The following SEC24B variants were observed in gnomAD, a reference collection of about 807,000 sequenced individuals.
SEC24B encodes SEC24 homolog B, COPII component.
Under a neutral mutation model 142.8 loss-of-function variants are expected in SEC24B, and 45 were observed. That is an observed-to-expected ratio of 0.32 (90% CI 0.25 to 0.40). The LOEUF is 0.40. Among genes scored for constraint, SEC24B ranks in the 10% least tolerant of loss-of-function variants. The pLI, the probability that SEC24B is intolerant of heterozygous loss-of-function variation, is 1.00. For synonymous variants in SEC24B, 574 were observed against 568.2 expected (o/e 1.01, Z -0.15); for missense variants, 1,409 against 1,526.8 (o/e 0.92, Z 1.29).
chr4:109,473,382 A>G (rs938312513), intron 3 of SEC24B, among the ~76,000 whole-genome samples, 196 bp downstream of exon 3: 1 of 152,122 alleles, frequency 6.6e-6, no homozygotes, highest in East Asian at 1.9e-4. Flanking sequence ...AGTTCTTCAT[A>G]TATATTGAGT....
rs1164524422 is a variant in SEC24B, at chr4:109,532,639, G to A, written c.3391G>A (p.Gly1131Ser). ...TCACATTCTCTCTTTTTCTTTTCAG[G>A]GTGCAGTACATGTTAATGACAGGAT... is the stretch of plus-strand genomic sequence containing the variant. ...LYRIDRLTDE[G>S]AVHVNDRIVP... is the part of the protein sequence containing the mutation. Residue 1131 changes from glycine (G) to serine (S), a missense_variant and splice_region_variant, in exon 21 of 24, where the codon GGT becomes AGT. Physicochemically the swap from Gly to Ser is moderately conservative, Grantham distance 56. Around this residue, in one of 2 missense-constraint regions of SEC24B, gnomAD observed 700 missense variants for 853.3 expected, o/e 0.82. Transcript: ENST00000265175. 1 of 1,608,812 alleles carries A rather than the reference G, an allele frequency of 6.2e-7. No homozygotes were observed. The highest frequency in any genetic ancestry group is 1.1e-5 in the South Asian group (1 of 90,744).
At chr4:109,462,133 C>T (rs1377460266) in intron 1 of SEC24B, among the ~76,000 whole-genome samples, 1 of 152,098 alleles carries the variant, frequency 6.6e-6, no homozygotes, top group East Asian at 1.9e-4. Context: ...GAGAACAAGG[C>T]TGTAGTGAAC....
At chr4:109,480,773 C>T (rs1002571076) in intron 3 of SEC24B, among the ~76,000 whole-genome samples, 2 of 152,200 alleles carry the variant, frequency 1.3e-5, no homozygotes, top group Non-Finnish European at 2.9e-5. Context: ...GCCACCATGC[C>T]CGGCCTTCAT....
intron 2 of SEC24B, among the ~76,000 whole-genome samples, chr4:109,466,464 G>T (rs1731879554): frequency 6.6e-6 from 1 of 152,234 alleles, no homozygotes; most frequent in East Asian, 1.9e-4. Flanking sequence ...AGGCTGGAGT[G>T]CAGTGGCGCC....
intron 1 of SEC24B, among the ~76,000 whole-genome samples, chr4:109,459,942 A>G (rs528161546): frequency 1.2e-4 from 18 of 152,284 alleles, no homozygotes; most frequent in African/African-American, 4.3e-4. Context: ...AGAAAGGAGG[A>G]CAACATTTTA....
rs919311768 is a variant in SEC24B at position 109,504,680 on chromosome 4, G to T, written c.1489-1648G>T. Among the ~76,000 whole-genome samples, 11 of 152,226 alleles carry T rather than the reference G, an allele frequency of 7.2e-5. 1 individual carries two copies. In the South Asian group the frequency reaches 2.3e-3, roughly 32 times the overall value. ...TTTCACTTATACCACTGCTAGGCTT[G>T]ATTAGTGCCTCATACAATGACAGCC... On this transcript the variant is annotated intron_variant, in intron 6 of 23. Coordinates refer to ENST00000265175, the MANE Select transcript of SEC24B (RefSeq NM_006323.5).
At chr4:109,505,588 G>A (rs1438761962) in intron 6 of SEC24B, among the ~76,000 whole-genome samples, 1 of 152,078 alleles carries the variant, frequency 6.6e-6, no homozygotes, top group Non-Finnish European at 1.5e-5. Context: ...TTTACCTGTT[G>A]CCAAGTATCT....
At chr4:109,448,210 T>C (rs764057848) in intron 1 of SEC24B, among the ~76,000 whole-genome samples, 45 of 152,206 alleles carry the variant, frequency 3.0e-4, no homozygotes, top group Non-Finnish European at 5.1e-4. Context: ...GAGATTAGGA[T>C]ATGGACATAT....
At chr4:109,528,097 G>T (rs1206256171) in intron 18 of SEC24B, among the ~76,000 whole-genome samples, 1 of 152,082 alleles carries the variant, frequency 6.6e-6, no homozygotes, top group African/African-American at 2.4e-5. Flanking sequence ...AAAGAAGCTA[G>T]ACTCAAAAAG....
intron 14 of SEC24B, among the ~76,000 whole-genome samples, chr4:109,523,024 C>A (rs901759080): frequency 2.0e-5 from 3 of 152,028 alleles, no homozygotes; most frequent in African/African-American, 7.2e-5. Flanking sequence ...GTGAGCCAGA[C>A]CTGTATTTGC....
chr4:109,514,699 A>AAAAC (rs748152885), intron 10 of SEC24B, among the ~76,000 whole-genome samples: 6 of 152,216 alleles, frequency 3.9e-5, no homozygotes, highest in Non-Finnish European at 8.8e-5. Context: ...CTCCGTCTCA[A>AAAAC]AAACAAACAA....
intron 1 of SEC24B, among the ~76,000 whole-genome samples, chr4:109,452,593 C>A (rs376140769): frequency 6.6e-6 from 1 of 152,170 alleles, no homozygotes; most frequent in Non-Finnish European, 1.5e-5. Context: ...TTGATATTTT[C>A]GGTTTTTGAT....
intron 18 of SEC24B, 25 bp from the exon 19 acceptor site, chr4:109,530,264 A>G: frequency 6.3e-7 from 1 of 1,599,570 alleles, no homozygotes. Flanking sequence ...TGGTTAAAAT[A>G]CCTTTCACTT....
intron 2 of SEC24B, among the ~76,000 whole-genome samples, chr4:109,465,695 T>C (rs1731786304): frequency 6.6e-6 from 1 of 152,176 alleles, no homozygotes; most frequent in African/African-American, 2.4e-5. Flanking sequence ...AACTAATTTA[T>C]ATTGAGATGT....
At chr4:109,476,136 G>A (rs973007549) in intron 3 of SEC24B, among the ~76,000 whole-genome samples, 3 of 151,912 alleles carry the variant, frequency 2.0e-5, no homozygotes, top group African/African-American at 7.3e-5. Flanking sequence ...ACATGCATGT[G>A]CCAACATGCC....
At chr4:109,459,358 A>G (rs1731029311) in intron 1 of SEC24B, among the ~76,000 whole-genome samples, 1 of 152,192 alleles carries the variant, frequency 6.6e-6, no homozygotes, top group African/African-American at 2.4e-5. Context: ...CATATGGTTG[A>G]TCAGATTGAG....
Position 109,433,992 on chromosome 4 carries a change from C to T in SEC24B, c.123C>T (p.His41=). The T allele has an allele frequency of 8.4e-7, 1 of 1,184,802 alleles. No homozygotes were observed. The highest frequency in any genetic ancestry group is 1.0e-6 in the Non-Finnish European group (1 of 959,248). 73.4% of individuals were successfully genotyped at this position (1,184,802 alleles called of 1,614,324 possible). A position where few individuals can be genotyped will look rare whatever the true frequency, so the allele number is the denominator to read the frequency against. Residue 41 remains histidine (H), a synonymous_variant, in exon 1 of 24, where the codon CAC becomes CAT. Transcript: ENST00000265175. ...GCCCGGGTGCGGGCCCGGCGCCGCA[C>T]CAGCAGAACGGTGAGGCGGGCGGCC... ...PAGPGAGPAP[H]QQNGPAQNQM...
intron 1 of SEC24B, among the ~76,000 whole-genome samples, chr4:109,457,476 G>C (rs911391944): frequency 6.6e-6 from 1 of 152,212 alleles, no homozygotes. Flanking sequence ...AAAACATCAC[G>C]TGGCAGAAGG....
chr4:109,465,317 A>G (rs1731751421), intron 2 of SEC24B, among the ~76,000 whole-genome samples: 2 of 152,364 alleles, frequency 1.3e-5, no homozygotes, highest in South Asian at 2.1e-4. Context: ...TTACTGAGCT[A>G]GAATAGAATC....
Sources: allele counts gnomAD v4.1 joint callset (sites outside exome capture counted in the v4.1 genomes callset), GRCh38; gene constraint gnomAD v4.1.1; regional missense constraint gnomAD v4.1.1; transcripts MANE v1.5; gene names NCBI Gene and HGNC (gene_info 2026-07-23, HGNC 2026-07-21).